The following RPL15 variants were observed in gnomAD, a reference collection of about 807,000 sequenced individuals.
RPL15 encodes the protein large ribosomal subunit protein eL15.
For missense variants in RPL15, 161 were observed against 271.8 expected, an observed-to-expected ratio of 0.59 and a Z score of 2.87; for synonymous variants, 97 against 95.1, an observed-to-expected ratio of 1.02 and a Z score of -0.12.
downstream of RPL15, chr3:23,922,156 A>C (rs1436030476): frequency 6.5e-6 from 1 of 152,992 alleles, no homozygotes; most frequent in Non-Finnish European, 1.5e-5. This position sits in a 1 kb window ranked among gnomAD's most constrained non-coding sequence, Gnocchi z 4.2. Context: ...AAAAATAACA[A>C]ATCAGCTGGG....
chr3:23,917,507 A>G, intron 1 of RPL15: 1 of 183,694 alleles, frequency 5.4e-6, no homozygotes, highest in Non-Finnish European at 1.1e-5. Context: ...CGGTGGCCGC[A>G]GCAGTACCTT....
At chr3:23,921,925 TCTCAAACTACTGGC>T (rs2125260451), downstream of RPL15, 1 of 308,432 alleles carries the variant, frequency 3.2e-6, no homozygotes, top group African/African-American at 2.2e-5. Flanking sequence ...CCCAGGTTGG[TCTCAAACTACTGGC>T]CTCAAGCAAT....
Position 23,917,868 on chromosome 3 carries a change from ATACAAG to A in RPL15, c.14_19del (p.Lys5_Tyr6del). On this transcript the variant is annotated inframe_deletion, in exon 2 of 4. Coordinates refer to ENST00000307839, the MANE Select transcript of RPL15 (RefSeq NM_002948.5). ...TTCACAGGTAAGCCAAGATGGGTGC[ATACAAG>A]TACATCCAGGAGCTATGGAGAAAGA... The A allele has an allele frequency of 6.2e-7, 1 of 1,609,000 alleles. No homozygotes were observed. Among genetic ancestry groups the A allele is most frequent in the Non-Finnish European group, 8.5e-7 (1 of 1,178,512 alleles).
chr3:23,921,581 T>G (rs558012009), downstream of RPL15: 39 of 675,346 alleles, frequency 5.8e-5, no homozygotes, highest in Admixed American at 2.9e-4. Context: ...TTTTTTTTTT[T>G]TTTTTTTTTT....
In RPL15 at chr3:23,919,511, A is replaced by G; in HGVS notation, c.*10A>G. 6.4e-7 allele frequency: 1 copy of G among 1,552,766 alleles called. No homozygotes were observed. The highest frequency in any genetic ancestry group is 8.7e-7 in the Non-Finnish European group (1 of 1,154,546). The stretch of plus-strand genomic sequence containing the variant: ...CCACCGTTACCGCTAATATAAGTAA[A>G]GTTTGTAAAATTCATACTTAATAAA... On this transcript the variant is annotated 3_prime_UTR_variant, in exon 4 of 4. Coordinates refer to ENST00000307839, the MANE Select transcript of RPL15 (RefSeq NM_002948.5).
At chr3:23,922,023 TAAC>T (rs148300149), downstream of RPL15, 951 of 164,854 alleles carry the variant, frequency 5.8e-3, 12 homozygotes, top group African/African-American at 0.021. This position sits in a 1 kb window ranked among gnomAD's most constrained non-coding sequence, Gnocchi z 4.2. Context: ...ACTTTAGTAA[TAAC>T]AACAATTGGC....
chr3:23,919,433 A>G lies in RPL15; in HGVS notation c.547A>G (p.Thr183Ala). The G allele has an allele frequency of 6.2e-7, 1 of 1,604,826 alleles. No individual in the cohort carries two copies. Among genetic ancestry groups the G allele is most frequent in the Non-Finnish European group, 8.5e-7 (1 of 1,179,872 alleles). Reference sequence around the variant, plus strand: ...TGGAAAGGGCCACAAGTTCCACCACACTATTGGTGGCTCTCGCCGGGCAGC... The same window carrying G: ...TGGAAAGGGCCACAAGTTCCACCACGCTATTGGTGGCTCTCGCCGGGCAGC... ...GLGKGHKFHHTIGGSRRAAWR... is the reference protein window; with the variant it reads ...GLGKGHKFHHAIGGSRRAAWR... The change falls in exon 4 of 4, where the codon ACT (threonine) becomes GCT (alanine). Residue 183 changes from threonine to alanine, a missense_variant. Thr to Ala is a moderately conservative substitution (Grantham distance 58). Transcript: ENST00000307839.
downstream of RPL15, chr3:23,923,538 A>G (rs971179992): frequency 2.6e-5 from 4 of 152,152 alleles, no homozygotes; most frequent in African/African-American, 9.7e-5. Flanking sequence ...TTCTTTTGGT[A>G]TAACTGCATG....
upstream of RPL15, chr3:23,917,021 C>G (rs1292863127): frequency 6.6e-6 from 1 of 152,580 alleles, no homozygotes; most frequent in African/African-American, 2.4e-5. Context: ...CGGCAGAACT[C>G]CGCCACCAGG....
chr3:23,918,601 T>A (rs547292664), intron 3 of RPL15, 25 bp downstream of exon 3: 1 of 1,609,192 alleles, frequency 6.2e-7, no homozygotes, highest in Non-Finnish European at 8.5e-7. Context: ...GTAGCAGTTA[T>A]ATTGAATACT....
chr3:23,918,850 A>G, intron 3 of RPL15: 1 of 506,516 alleles, frequency 2.0e-6, no homozygotes, highest in South Asian at 3.0e-5. Flanking sequence ...CCTAAAATAT[A>G]TACTAAATAT....
chr3:23,920,815 T>A lies in RPL15; in HGVS notation c.*1314T>A, dbSNP rs1049281793. ...TTTAATTGTGTAGAGGTTGTTCAAC[T>A]GAAGGAATAAATGTCTATTAAACTA... On this transcript the variant is annotated 3_prime_UTR_variant, in exon 4 of 4. Transcript: ENST00000307839. 4.3e-6 allele frequency: 4 copies of A among 941,016 alleles called. No individual in the cohort carries two copies. Among genetic ancestry groups the A allele is most frequent in the Non-Finnish European group, 5.1e-6 (4 of 789,600 alleles). The allele number at this position is 941,016 out of a possible 1,614,324, so 58.3% of individuals were successfully genotyped here.
chr3:23,920,831 T>G lies in RPL15; in HGVS notation c.*1330T>G. The G allele has an allele frequency of 2.2e-6, 2 of 912,484 alleles. No homozygotes were observed. Among genetic ancestry groups the G allele is most frequent in the Non-Finnish European group, 2.6e-6 (2 of 763,358 alleles). 56.5% of individuals were successfully genotyped at this position (912,484 alleles called of 1,614,324 possible). On this transcript the variant is annotated 3_prime_UTR_variant, in exon 4 of 4. Coordinates refer to ENST00000307839, the MANE Select transcript of RPL15 (RefSeq NM_002948.5). Reference sequence around the variant, plus strand: ...TTGTTCAACTGAAGGAATAAATGTCTATTAAACTAAAACAAATGGACCTTC... The same window carrying G: ...TTGTTCAACTGAAGGAATAAATGTCGATTAAACTAAAACAAATGGACCTTC...
At chr3:23,916,968 T>C (rs1174373805), upstream of RPL15, 1 of 152,628 alleles carries the variant, frequency 6.6e-6, no homozygotes. Context: ...GCTCGAATCT[T>C]GCGGAGCAGG....
chr3:23,920,717 T>G lies in RPL15; in HGVS notation c.*1216T>G, dbSNP rs1027881628. On this transcript the variant is annotated 3_prime_UTR_variant, in exon 4 of 4. Coordinates refer to ENST00000307839, the MANE Select transcript of RPL15 (RefSeq NM_002948.5). ...CAGTTAATTGATTTCCAGGAAGTACTCATAGCAAGTTCATAAAAGTTCTTG... is the reference window on the plus strand; with the variant it reads ...CAGTTAATTGATTTCCAGGAAGTACGCATAGCAAGTTCATAAAAGTTCTTG... The G allele has an allele frequency of 1.0e-6, 1 of 983,910 alleles. No homozygotes were observed. Among genetic ancestry groups the G allele is most frequent in the Non-Finnish European group, 1.2e-6 (1 of 828,724 alleles). The allele number at this position is 983,910 out of a possible 1,614,324, so 60.9% of individuals were successfully genotyped here. A position where few individuals can be genotyped will look rare whatever the true frequency, so the allele number is the denominator to read the frequency against.
In RPL15 at chr3:23,919,327, C is replaced by A; in HGVS notation, c.441C>A (p.Asp147Glu). Residue 147 changes from aspartate to glutamate, a missense_variant, in exon 4 of 4, where the codon GAC becomes GAA. Physicochemically the swap from Asp to Glu is conservative, Grantham distance 45. Coordinates refer to ENST00000307839, the MANE Select transcript of RPL15 (RefSeq NM_002948.5). ...ATAAAGCTATCAGAAGAAATCCTGA[C>A]ACCCAGTGGATCACCAAACCAGTCC... ...PFHKAIRRNP[D>E]TQWITKPVHK... 1 of 1,603,346 alleles carries A rather than the reference C, an allele frequency of 6.2e-7. No homozygotes were observed.
In RPL15 at chr3:23,920,361, G is replaced by T; in HGVS notation, c.*860G>T. On this transcript the variant is annotated 3_prime_UTR_variant, in exon 4 of 4. Coordinates refer to ENST00000307839, the MANE Select transcript of RPL15 (RefSeq NM_002948.5). Reference sequence around the variant, plus strand: ...ACTCTGTCCACTCCCATAGGCTACAGAAAAAGTCACAAGCGCATGGTTTCC... The same window carrying T: ...ACTCTGTCCACTCCCATAGGCTACATAAAAAGTCACAAGCGCATGGTTTCC... 1 of 985,396 alleles carries T rather than the reference G, an allele frequency of 1.0e-6. No individual in the cohort carries two copies. The highest frequency in any genetic ancestry group is 1.1e-4 in the East Asian group (1 of 8,832). 61.0% of individuals were successfully genotyped at this position (985,396 alleles called of 1,614,324 possible). A position where few individuals can be genotyped will look rare whatever the true frequency, so the allele number is the denominator to read the frequency against.
downstream of RPL15, chr3:23,921,689 C>A (rs1407680102): frequency 2.0e-5 from 13 of 664,998 alleles, no homozygotes; most frequent in African/African-American, 5.5e-5. Context: ...ATTCTTCTGC[C>A]TCGGCCTCCC....
downstream of RPL15, among the ~76,000 whole-genome samples, chr3:23,921,292 C>T (rs529108307): frequency 3.3e-5 from 5 of 152,328 alleles, no homozygotes; most frequent in East Asian, 7.7e-4. Context: ...TTGATCATGG[C>T]ACTCCCGTGC....
Sources: gnomAD v4.1 joint callset for allele counts (sites outside exome capture counted in the v4.1 genomes callset) on GRCh38, gnomAD v4.1.1 for gene constraint, Gnocchi (gnomAD v3.1) non-coding constraint, MANE v1.5 for transcripts, NCBI Gene and HGNC (gene_info 2026-07-23, HGNC 2026-07-21) for gene names.